Variants in USP6NL observed in about 807,000 individuals in gnomAD.
USP6NL encodes the protein USP6 N-terminal-like protein.
In USP6NL, 26 loss-of-function variants were observed where a neutral mutation model predicts 61.9. The observed-to-expected ratio is 0.42, with a 90% CI of 0.31 to 0.58. The LOEUF is 0.58. Ranked by LOEUF, USP6NL falls within the 20% of genes least tolerant of loss-of-function variation. The pLI is 0.16. For missense variants in USP6NL, 1,114 were observed against 1,034.3 expected, an observed-to-expected ratio of 1.08 and a Z score of -1.06; for synonymous variants, 432 against 390.1, an observed-to-expected ratio of 1.11 and a Z score of -1.27.
At position 11,575,355 on chromosome 10, in the gene USP6NL, C is replaced by A. The variant is rs1212737619; in HGVS notation, c.4+22276G>T. On this transcript the variant is annotated intron_variant, in intron 2 of 14. Transcript: ENST00000609104. This position sits in a 1 kb window ranked among gnomAD's most constrained non-coding sequence, Gnocchi z 4.2. ...GTATCTACTGCCTTTGTTTTCCAAT[C>A]ATGTTTCCAGCTCCTGAGAAATTAC... Among the ~76,000 whole-genome samples the A allele has an allele frequency of 6.6e-6, 1 of 152,212 alleles. No homozygotes were observed. The highest frequency in any genetic ancestry group is 1.5e-5 in the Non-Finnish European group (1 of 68,028).
At chr10:11,517,294 G>A (rs1834997951) in intron 5 of USP6NL, among the ~76,000 whole-genome samples, 2 of 152,108 alleles carry the variant, frequency 1.3e-5, no homozygotes, top group Non-Finnish European at 2.9e-5. Flanking sequence ...AAACTTCACA[G>A]GGGCATTTAC....
intron 14 of USP6NL, among the ~76,000 whole-genome samples, chr10:11,471,629 C>T (rs1458742054): frequency 4.6e-5 from 7 of 152,052 alleles, no homozygotes; most frequent in East Asian, 1.9e-4. Context: ...ATATACACCA[C>T]GGAATACTAT....
At chr10:11,590,023 C>T (rs185884196) in intron 2 of USP6NL, among the ~76,000 whole-genome samples, 10 of 152,276 alleles carry the variant, frequency 6.6e-5, no homozygotes, top group African/African-American at 2.4e-4. Flanking sequence ...TCATTTTCAC[C>T]TGACCTCCTA....
intron 2 of USP6NL, among the ~76,000 whole-genome samples, chr10:11,555,415 T>TAAA (rs558901276): frequency 9.7e-4 from 26 of 26,852 alleles, no homozygotes; most frequent in Admixed American, 1.9e-3. Flanking sequence ...AACTCGGTCT[T>TAAA]AAAAAAAAAA....
At position 11,606,005 on chromosome 10, in the gene USP6NL, G is replaced by A. The variant is rs143293973; in HGVS notation, c.-84+5438C>T. 3.3e-3 allele frequency among the ~76,000 whole-genome samples: 508 copies of A among 152,162 alleles called. 4 individuals carry two copies. The highest frequency in any genetic ancestry group is 0.012 in the African/African-American group (483 of 41,496). On this transcript the variant is annotated intron_variant, in intron 1 of 14. Coordinates refer to ENST00000609104, the MANE Select transcript of USP6NL (RefSeq NM_014688.5). ...AAATTGACGAAAGACATCAAGTCAC[G>A]GTATCAAAATGCCCCATATATCTCA...
intron 2 of USP6NL, chr10:11,573,775 C>G (rs549716276): frequency 2.5e-6 from 1 of 397,038 alleles, no homozygotes; most frequent in Admixed American, 4.4e-5. Flanking sequence ...AGCTCAAGCA[C>G]GAACACAGTT....
At chr10:11,522,298 A>C (rs187160470) in intron 4 of USP6NL, among the ~76,000 whole-genome samples, 296 of 152,362 alleles carry the variant, frequency 1.9e-3, no homozygotes, top group Non-Finnish European at 3.5e-3. Flanking sequence ...CTTAAAACCC[A>C]ATTTCATTGC....
In USP6NL at chr10:11,490,548, A is replaced by G. The variant is rs1012049077; in HGVS notation, c.543+284T>C. 4.6e-5 allele frequency among the ~76,000 whole-genome samples: 7 copies of G among 152,240 alleles called. No homozygotes were observed. The highest frequency in any genetic ancestry group is 7.3e-5 in the Non-Finnish European group (5 of 68,046). On this transcript the variant is annotated intron_variant, in intron 9 of 14. Coordinates refer to ENST00000609104, the MANE Select transcript of USP6NL (RefSeq NM_014688.5). This position sits in a 1 kb window ranked among gnomAD's most constrained non-coding sequence, Gnocchi z 4.5. ...GTATATCTGCTTAAAAATAAAAACA[A>G]AACAACACAAAACATTACAAAGCAA...
rs1835699556 is a variant in USP6NL, at chr10:11,532,498, A to T, written c.5-4931T>A. On this transcript the variant is annotated intron_variant, in intron 2 of 14. Transcript: ENST00000609104. This position sits in a 1 kb window ranked among gnomAD's most constrained non-coding sequence, Gnocchi z 4.1. Reference sequence around the variant, plus strand: ...AAAGCTGATCATTGTTGAGGGTGAAAACACGGCTTTCAGGCTACATCCCAA... The same window carrying T: ...AAAGCTGATCATTGTTGAGGGTGAATACACGGCTTTCAGGCTACATCCCAA... 1.3e-5 allele frequency among the ~76,000 whole-genome samples: 2 copies of T among 152,184 alleles called. No homozygotes were observed. The highest frequency in any genetic ancestry group is 4.1e-4 in the South Asian group (2 of 4,826).
Position 11,485,826 on chromosome 10 carries a change from C to T in USP6NL, c.750G>A (p.Lys250=), listed in dbSNP as rs1359721188. 3.2e-6 allele frequency: 5 copies of T among 1,552,028 alleles called. No individual in the cohort carries two copies. In the African/African-American group the frequency reaches 5.5e-5, roughly 17 times the overall value. Residue 250 remains lysine, a synonymous_variant, in exon 11 of 15, where the codon AAG becomes AAA. Coordinates refer to ENST00000609104, the MANE Select transcript of USP6NL (RefSeq NM_014688.5). This position sits in a 1 kb window ranked among gnomAD's most constrained non-coding sequence, Gnocchi z 4.8. ...KILNKFLSKL[K]QHLDSQEIYT... ...TGGCACATCTACCTACCAAGTGTTG[C>T]TTAAGCTTGGACAGAAATTTGTTCA...
chr10:11,502,707 G>A (rs1416116419), intron 6 of USP6NL, among the ~76,000 whole-genome samples: 1 of 152,156 alleles, frequency 6.6e-6, no homozygotes, highest in Non-Finnish European at 1.5e-5. Flanking sequence ...AAGAAACTTC[G>A]ATCATGTGGT....
rs546596859 is a variant in USP6NL at position 11,521,123 on chromosome 10, C to T, written c.156-2549G>A. Among the ~76,000 whole-genome samples, 8 of 152,102 alleles carry T rather than the reference C, an allele frequency of 5.3e-5. No homozygotes were observed. The East Asian group carries it at 1.4e-3, about 26-fold the overall frequency. ...CAGCTAGGTGGAGTATTTATGTTAA[C>T]TATAAGATGAACTTTCATTTGGAAA... is the stretch of plus-strand genomic sequence containing the variant. On this transcript the variant is annotated intron_variant, in intron 4 of 14. Transcript: ENST00000609104.
Position 11,532,865 on chromosome 10 carries a change from CAT to C in USP6NL, c.5-5300_5-5299del. Among the ~76,000 whole-genome samples, 1 of 152,296 alleles carries C rather than the reference CAT, an allele frequency of 6.6e-6. No homozygotes were observed. Among genetic ancestry groups the C allele is most frequent in the South Asian group, 2.1e-4 (1 of 4,830 alleles). ...GGACGTTTTTAACAAACCACACACA[CAT>C]ACAAGTAAAACAAATGTCTCATGAA... On this transcript the variant is annotated intron_variant, in intron 2 of 14. Coordinates refer to ENST00000609104, the MANE Select transcript of USP6NL (RefSeq NM_014688.5). The surrounding 1 kb of genome is among the most constrained non-coding windows in gnomAD (Gnocchi z 4.1).
rs146571265 is a variant in USP6NL, at chr10:11,503,000, G to T, written c.277-1792C>A. ...CAAGCATGTGTGGTTAAAAACAAGT[G>T]AATTTAAGACTTGTTTTCCCAAAGG... is the stretch of plus-strand genomic sequence containing the variant. On this transcript the variant is annotated intron_variant, in intron 6 of 14. Transcript: ENST00000609104. Among the ~76,000 whole-genome samples the T allele has an allele frequency of 2.1e-3, 327 of 152,210 alleles. 8 individuals are homozygous for T. Among genetic ancestry groups the T allele is most frequent in the Middle Eastern group, 0.017 (5 of 294 alleles).
In USP6NL at chr10:11,590,873, C is replaced by T. The variant is rs560645496; in HGVS notation, c.4+6758G>A. ...AGACTCTGAGCAACACAGTAGGCCC[C>T]CAAACCCTGAAAACTGTGTTTCCTG... is the stretch of plus-strand genomic sequence containing the variant. On this transcript the variant is annotated intron_variant, in intron 2 of 14. Coordinates refer to ENST00000609104, the MANE Select transcript of USP6NL (RefSeq NM_014688.5). Among the ~76,000 whole-genome samples the T allele has an allele frequency of 4.0e-4, 61 of 152,130 alleles. 1 individual carries two copies. The South Asian group carries it at 0.011, about 26-fold the overall frequency.
chr10:11,554,953 C>T (rs1836623882), intron 2 of USP6NL, among the ~76,000 whole-genome samples: 1 of 114,692 alleles, frequency 8.7e-6, no homozygotes, highest in Admixed American at 9.7e-5. Flanking sequence ...GTGCCTGCCA[C>T]CATGCCCGGC....
At chr10:11,607,725 AC>A (rs1345801134) in intron 1 of USP6NL, among the ~76,000 whole-genome samples, 15 of 152,206 alleles carry the variant, frequency 9.9e-5, no homozygotes, top group African/African-American at 3.6e-4. Context: ...ATTTGCCATC[AC>A]TGATCTACAT....
At position 11,592,491 on chromosome 10, in the gene USP6NL, TA is replaced by T. The variant is rs1436723575; in HGVS notation, c.4+5139del. Among the ~76,000 whole-genome samples the T allele has an allele frequency of 1.3e-5, 2 of 152,216 alleles. No homozygotes were observed. Among genetic ancestry groups the T allele is most frequent in the Admixed American group, 1.3e-4 (2 of 15,280 alleles). On this transcript the variant is annotated intron_variant, in intron 2 of 14. Coordinates refer to ENST00000609104, the MANE Select transcript of USP6NL (RefSeq NM_014688.5). This position sits in a 1 kb window ranked among gnomAD's most constrained non-coding sequence, Gnocchi z 4.7. Reference sequence around the variant, plus strand: ...ACTGATTATATATTCATTTTAAGAATAACATTTAGAACTTTATATTCCCAAA... The same window carrying T: ...ACTGATTATATATTCATTTTAAGAATACATTTAGAACTTTATATTCCCAAA...
At chr10:11,505,784 T>C in intron 6 of USP6NL, among the ~76,000 whole-genome samples, 1 of 152,214 alleles carries the variant, frequency 6.6e-6, no homozygotes. Context: ...TGACTGCCAG[T>C]GAGTAAACTT....
Sources: allele counts gnomAD v4.1 joint callset (sites outside exome capture counted in the v4.1 genomes callset), GRCh38; gene constraint gnomAD v4.1.1; non-coding constraint Gnocchi (gnomAD v3.1); transcripts MANE v1.5; gene names NCBI Gene and HGNC (gene_info 2026-07-23, HGNC 2026-07-21).